NOS1AP: variants seen among roughly 807,000 people sequenced by gnomAD.
NOS1AP encodes the protein nitric oxide synthase 1 adaptor protein.
NOS1AP carries 21 observed loss-of-function variants against 56.2 expected under a neutral mutation model. That is an observed-to-expected ratio of 0.37 (90% CI 0.26 to 0.54). NOS1AP has a LOEUF of 0.54. NOS1AP is among the 20% of genes least tolerant of loss of function. The probability of loss-of-function intolerance (pLI) is 0.84; values close to 1 mark genes in which losing one functional copy is unlikely to be tolerated. For missense variants in NOS1AP, 522 were observed against 657.8 expected, an observed-to-expected ratio of 0.79 and a Z score of 2.26; for synonymous variants, 270 against 274.6, an observed-to-expected ratio of 0.98 and a Z score of 0.17.
At chr1:162,174,849 C>T (rs759669199) in intron 2 of NOS1AP, among the ~76,000 whole-genome samples, 1 of 152,184 alleles carries the variant, frequency 6.6e-6, no homozygotes, top group Admixed American at 6.5e-5. Context: ...TCCTTAGGCT[C>T]CCCTGGACTG....
chr1:162,085,317 A>G (rs1023503814), intron 1 of NOS1AP, among the ~76,000 whole-genome samples: 4 of 152,078 alleles, frequency 2.6e-5, no homozygotes, highest in Non-Finnish European at 1.5e-5. Context: ...AGGGGAAGGT[A>G]TATCTAGTTC....
intron 2 of NOS1AP, among the ~76,000 whole-genome samples, chr1:162,159,060 C>T (rs1042824376): frequency 6.6e-6 from 1 of 152,154 alleles, no homozygotes; most frequent in African/African-American, 2.4e-5. Context: ...TGCAGGGTGG[C>T]TGGTAATGCT....
At chr1:162,333,231 T>A (rs1012810190) in intron 5 of NOS1AP, 106 bp downstream of exon 5, 15 of 753,980 alleles carry the variant, frequency 2.0e-5, no homozygotes, top group Non-Finnish European at 3.3e-5. Flanking sequence ...AATGCCGACA[T>A]GGGGCAACTA....
rs2102004994 is a variant in NOS1AP, at chr1:162,069,826, C to G, written c.-352C>G. 1 of 156,136 alleles carries G rather than the reference C, an allele frequency of 6.4e-6. No homozygotes were observed. Among genetic ancestry groups the G allele is most frequent in the East Asian group, 1.9e-4 (1 of 5,328 alleles). 9.7% of individuals were successfully genotyped at this position (156,136 alleles called of 1,614,324 possible). A position where few individuals can be genotyped will look rare whatever the true frequency, so the allele number is the denominator to read the frequency against. On this transcript the variant is annotated 5_prime_UTR_variant, in exon 1 of 10. Coordinates refer to ENST00000361897, the MANE Select transcript of NOS1AP (RefSeq NM_014697.3). Reference sequence around the variant, plus strand: ...GCGGTGCGTTCCACTGCTCTGGGGCCGGCGCCGCGCCCAGTCCCGCTTCGG... The same window carrying G: ...GCGGTGCGTTCCACTGCTCTGGGGCGGGCGCCGCGCCCAGTCCCGCTTCGG...
chr1:162,364,377 A>T (rs1657998589), intron 8 of NOS1AP: 6 of 984,894 alleles, frequency 6.1e-6, no homozygotes, highest in African/African-American at 1.8e-5. Context: ...TCCCTGGAGA[A>T]CTCTTTATTC....
intron 6 of NOS1AP, among the ~76,000 whole-genome samples, chr1:162,344,533 GC>G (rs1232308794): frequency 6.6e-6 from 1 of 151,948 alleles, no homozygotes; most frequent in Non-Finnish European, 1.5e-5. Context: ...CTGCCATGTT[GC>G]CTGTATTTTC....
intron 2 of NOS1AP, among the ~76,000 whole-genome samples, chr1:162,255,167 G>A (rs1245411873): frequency 2.0e-5 from 3 of 152,198 alleles, no homozygotes; most frequent in African/African-American, 7.2e-5. Context: ...CAGTTCTAAA[G>A]TACTTACAAG....
At chr1:162,204,504 A>T (rs1652099784) in intron 2 of NOS1AP, among the ~76,000 whole-genome samples, 1 of 152,178 alleles carries the variant, frequency 6.6e-6, no homozygotes, top group Non-Finnish European at 1.5e-5. Context: ...GCCTAAGTGC[A>T]GCGAATGGCC....
At chr1:162,226,188 G>A (rs1242322328) in intron 2 of NOS1AP, among the ~76,000 whole-genome samples, 1 of 152,196 alleles carries the variant, frequency 6.6e-6, no homozygotes, top group African/African-American at 2.4e-5. Context: ...AGCTACTTGG[G>A]AGGCTGAGGC....
At chr1:162,213,730 A>G (rs1306873415) in intron 2 of NOS1AP, among the ~76,000 whole-genome samples, 2 of 152,076 alleles carry the variant, frequency 1.3e-5, no homozygotes, top group African/African-American at 4.8e-5. Context: ...TGCGGATTTT[A>G]CTATTTGACC....
rs996917707 is a variant in NOS1AP, at chr1:162,368,720, G to C, written c.*1253G>C. 2.0e-5 allele frequency: 3 copies of C among 152,272 alleles called. No individual in the cohort carries two copies. Among genetic ancestry groups the C allele is most frequent in the Non-Finnish European group, 4.4e-5 (3 of 68,076 alleles). 9.4% of individuals were successfully genotyped at this position (152,272 alleles called of 1,614,324 possible). A position where few individuals can be genotyped will look rare whatever the true frequency, so the allele number is the denominator to read the frequency against. ...AATGAGGAAAAGCTCCTTTGCTCCT[G>C]TAAGGCCATAAGTGGCTGTTAACAG... On this transcript the variant is annotated 3_prime_UTR_variant, in exon 10 of 10. Coordinates refer to ENST00000361897, the MANE Select transcript of NOS1AP (RefSeq NM_014697.3).
intron 2 of NOS1AP, among the ~76,000 whole-genome samples, chr1:162,251,863 T>A (rs1047415400): frequency 2.0e-5 from 2 of 99,090 alleles, no homozygotes; most frequent in Admixed American, 3.1e-4. Context: ...AGTTGTTTTT[T>A]TTTTTGTTTT....
rs181590257 is a variant in NOS1AP at position 162,148,332 on chromosome 1, G to T, written c.106-6073G>T. On this transcript the variant is annotated intron_variant, in intron 1 of 9. Transcript: ENST00000361897. ...GACCTGTGGGAGGCACGGTCAGCTA[G>T]TGATGACTAAAGCATGTTTTAGCTG... Among the ~76,000 whole-genome samples the T allele has an allele frequency of 2.0e-5, 3 of 152,348 alleles. No individual in the cohort carries two copies. In the East Asian group the frequency reaches 5.8e-4, roughly 29 times the overall value.
intron 1 of NOS1AP, among the ~76,000 whole-genome samples, chr1:162,130,134 A>G (rs538522966): frequency 6.6e-6 from 1 of 152,328 alleles, no homozygotes; most frequent in African/African-American, 2.4e-5. Flanking sequence ...CATTACAGAC[A>G]TTGTATATAT....
At chr1:162,354,310 T>C (rs550106835) in intron 6 of NOS1AP, among the ~76,000 whole-genome samples, 2 of 152,316 alleles carry the variant, frequency 1.3e-5, no homozygotes, top group African/African-American at 2.4e-5. Flanking sequence ...ATTGCAAATA[T>C]AGAAAATGAA....
At chr1:162,100,034 GT>G (rs1486729121) in intron 1 of NOS1AP, among the ~76,000 whole-genome samples, 1 of 151,992 alleles carries the variant, frequency 6.6e-6, no homozygotes, top group African/African-American at 2.4e-5. Context: ...GTCTATCATT[GT>G]TGGACATTTG....
At chr1:162,312,749 G>A (rs2819323) in intron 4 of NOS1AP, among the ~76,000 whole-genome samples, 83,360 of 151,824 alleles carry the variant, frequency 0.55, 23,055 homozygotes, top group South Asian at 0.6. Flanking sequence ...CTGGCAAAAC[G>A]AATCCAGCAG....
At chr1:162,221,912 T>C (rs996668769) in intron 2 of NOS1AP, among the ~76,000 whole-genome samples, 3 of 152,348 alleles carry the variant, frequency 2.0e-5, no homozygotes, top group African/African-American at 7.2e-5. Flanking sequence ...TGTACTCCAT[T>C]TCTTTTTAAT....
intron 1 of NOS1AP, among the ~76,000 whole-genome samples, chr1:162,081,789 A>T (rs1691901948): frequency 2.7e-5 from 1 of 37,454 alleles, no homozygotes; most frequent in Non-Finnish European, 7.3e-5. Context: ...TTTTTTGTAG[A>T]GATGGGTTTT....
Sources: allele counts gnomAD v4.1 joint callset (sites outside exome capture counted in the v4.1 genomes callset), GRCh38; gene constraint gnomAD v4.1.1; transcripts MANE v1.5; gene names NCBI Gene and HGNC (gene_info 2026-07-23, HGNC 2026-07-21).